Variants in MYO3B observed in about 807,000 individuals in gnomAD.
The protein encoded by MYO3B is myosin IIIB, also known as myosin-IIIb.
Under a neutral mutation model 174.6 loss-of-function variants are expected in MYO3B, and 156 were observed. The ratio of observed to expected loss-of-function variants is 0.89; its 90% confidence interval spans 0.78 to 1.02. The LOEUF (loss-of-function observed/expected upper bound fraction) is 1.02. Ranked by LOEUF, MYO3B falls within the 50% of genes least tolerant of loss-of-function variation. The pLI is 0.00. For missense variants in MYO3B, 1,632 were observed against 1,639.4 expected, an observed-to-expected ratio of 1.00 and a Z score of 0.08; for synonymous variants, 563 against 569.1, an observed-to-expected ratio of 0.99 and a Z score of 0.15.
intron 30 of MYO3B, among the ~76,000 whole-genome samples, chr2:170,522,661 C>T (rs933620818): frequency 1.3e-5 from 2 of 152,222 alleles, no homozygotes; most frequent in African/African-American, 4.8e-5. Context: ...CCTCCAGGCT[C>T]ACCTCCACCT....
At chr2:170,373,933 G>C (rs1013901113) in intron 9 of MYO3B, among the ~76,000 whole-genome samples, 2 of 152,080 alleles carry the variant, frequency 1.3e-5, no homozygotes, top group Admixed American at 1.3e-4. Flanking sequence ...ATATGATAAA[G>C]GGTCAGTTAA....
At chr2:170,584,997 G>A (rs1442706038) in intron 32 of MYO3B, among the ~76,000 whole-genome samples, 1 of 152,218 alleles carries the variant, frequency 6.6e-6, no homozygotes, top group Non-Finnish European at 1.5e-5. Flanking sequence ...CTCTCATGCA[G>A]CAGTTCTCAA....
intron 15 of MYO3B, 64 bp downstream of exon 15, chr2:170,391,682 G>A (rs1236351232): frequency 2.2e-6 from 2 of 926,638 alleles, no homozygotes; most frequent in African/African-American, 3.4e-5. Context: ...TGACAAACTT[G>A]GAAGTAAATG....
At chr2:170,396,027 C>T (rs893597498) in intron 16 of MYO3B, among the ~76,000 whole-genome samples, 2 of 152,242 alleles carry the variant, frequency 1.3e-5, no homozygotes, top group Admixed American at 6.5e-5. Context: ...AATGCTCTTT[C>T]TTCCCCACTG....
At chr2:170,383,970 C>A in intron 12 of MYO3B, 156 bp downstream of exon 12, 1 of 605,248 alleles carries the variant, frequency 1.7e-6, no homozygotes, top group Non-Finnish European at 3.0e-6. Context: ...GGAACTTGAG[C>A]ATAGGTAAAG....
At chr2:170,319,986 ACTT>A (rs2093812297) in intron 7 of MYO3B, among the ~76,000 whole-genome samples, 1 of 152,196 alleles carries the variant, frequency 6.6e-6, no homozygotes, top group Non-Finnish European at 1.5e-5. Context: ...GGTTGAGAGA[ACTT>A]GTTGCTAGCC....
Position 170,185,111 on chromosome 2 carries a change from C to T in MYO3B, c.2+6822C>T, listed in dbSNP as rs374245678. On this transcript the variant is annotated intron_variant, in intron 1 of 34. Coordinates refer to ENST00000408978, the MANE Select transcript of MYO3B (RefSeq NM_138995.5). ...GATGGATAGTTTGCAAATATTTTCT[C>T]TCATTCTGTGGGTTGTCTCCTCACT... Among the ~76,000 whole-genome samples the T allele has an allele frequency of 3.9e-5, 6 of 152,098 alleles. No homozygotes were observed. The East Asian group carries it at 9.7e-4, about 25-fold the overall frequency.
At chr2:170,572,000 G>T in intron 32 of MYO3B, among the ~76,000 whole-genome samples, 1 of 152,178 alleles carries the variant, frequency 6.6e-6, no homozygotes, top group East Asian at 1.9e-4. Flanking sequence ...TGATAGAGAG[G>T]TGGAGGAAGC....
chr2:170,268,439 T>TTTAAAGA (rs2093400575), intron 7 of MYO3B, among the ~76,000 whole-genome samples: 1 of 152,304 alleles, frequency 6.6e-6, no homozygotes, highest in South Asian at 2.1e-4. Context: ...GCCAGAGTGA[T>TTTAAAGA]TTAAAGAAAG....
Position 170,537,390 on chromosome 2 carries a change from G to A in MYO3B, c.3576-5516G>A, listed in dbSNP as rs111666214. 4.2e-3 allele frequency among the ~76,000 whole-genome samples: 599 copies of A among 143,682 alleles called. 6 individuals are homozygous for A. The highest frequency in any genetic ancestry group is 0.016 in the Middle Eastern group (4 of 256). 94.3% of individuals were successfully genotyped at this position (143,682 alleles called of 152,430 possible). A position where few individuals can be genotyped will look rare whatever the true frequency, so the allele number is the denominator to read the frequency against. ...GTCTGATCATATCGTCTGCAGAGTG[G>A]TTTTACTGCTGCTTCTTGGGAACAA... On this transcript the variant is annotated intron_variant, in intron 30 of 34. Transcript: ENST00000408978.
At chr2:170,308,360 C>T (rs1374937279) in intron 7 of MYO3B, among the ~76,000 whole-genome samples, 1 of 152,172 alleles carries the variant, frequency 6.6e-6, no homozygotes, top group African/African-American at 2.4e-5. Flanking sequence ...TTTTTGTAGC[C>T]ATGTTGCTGA....
intron 25 of MYO3B, among the ~76,000 whole-genome samples, chr2:170,472,667 T>TTTTATTTATTTA (rs879649832): frequency 1.1e-4 from 15 of 136,416 alleles, no homozygotes; most frequent in East Asian, 1.1e-3. Context: ...TCAGCTCACT[T>TTTTATTTATTTA]TTTATCTATT....
chr2:170,640,489 C>T (rs1214439671), intron 32 of MYO3B: 4 of 152,224 alleles, frequency 2.6e-5, no homozygotes, highest in African/African-American at 9.6e-5. Flanking sequence ...CACCCCAACA[C>T]ACGTTTCTCA....
intron 32 of MYO3B, among the ~76,000 whole-genome samples, chr2:170,573,586 T>C (rs1273469810): frequency 2.0e-5 from 3 of 152,188 alleles, no homozygotes; most frequent in Non-Finnish European, 2.9e-5. Context: ...GCCACTTTAG[T>C]TGGCCTTTCA....
intron 7 of MYO3B, among the ~76,000 whole-genome samples, chr2:170,293,114 C>T (rs955670464): frequency 6.6e-6 from 1 of 152,000 alleles, no homozygotes; most frequent in East Asian, 1.9e-4. Context: ...CTCTGTGGCC[C>T]CAGGATGCAT....
intron 32 of MYO3B, among the ~76,000 whole-genome samples, chr2:170,638,601 C>T (rs1474708302): frequency 2.0e-5 from 3 of 152,124 alleles, no homozygotes; most frequent in Non-Finnish European, 4.4e-5. Flanking sequence ...CTTTAAAGGG[C>T]CTCTGGGCTA....
At chr2:170,375,113 G>C (rs1433372506) in intron 9 of MYO3B, among the ~76,000 whole-genome samples, 7 of 152,044 alleles carry the variant, frequency 4.6e-5, no homozygotes, top group Admixed American at 4.6e-4. Flanking sequence ...TAAACTATTT[G>C]GTCATTTCCT....
intron 7 of MYO3B, among the ~76,000 whole-genome samples, chr2:170,322,229 G>A (rs897523152): frequency 2.6e-5 from 4 of 151,818 alleles, no homozygotes; most frequent in East Asian, 3.9e-4. Context: ...AGAAATCTAC[G>A]AAATAAACAC....
rs74578935 is a variant in MYO3B at position 170,262,671 on chromosome 2, G to A, written c.749+26535G>A. Among the ~76,000 whole-genome samples the A allele has an allele frequency of 1.7e-3, 254 of 152,224 alleles. 2 individuals carry two copies. Among genetic ancestry groups the A allele is most frequent in the East Asian group, 0.015 (78 of 5,166 alleles). On this transcript the variant is annotated intron_variant, in intron 7 of 34. Coordinates refer to ENST00000408978, the MANE Select transcript of MYO3B (RefSeq NM_138995.5). Reference sequence around the variant, plus strand: ...CTTGTCCACGTTTGGGTAGATATGCGTCCATGGACAATGTGTGGAAGCCAC... The same window carrying A: ...CTTGTCCACGTTTGGGTAGATATGCATCCATGGACAATGTGTGGAAGCCAC...
Sources: allele counts gnomAD v4.1 joint callset (sites outside exome capture counted in the v4.1 genomes callset), GRCh38; gene constraint gnomAD v4.1.1; transcripts MANE v1.5; gene names NCBI Gene and HGNC (gene_info 2026-07-23, HGNC 2026-07-21).